RORA: variants seen among roughly 807,000 people sequenced by gnomAD.
RORA encodes the protein nuclear receptor ROR-alpha.
A neutral mutation model predicts 69.5 loss-of-function variants in RORA; 7 were observed. The ratio of observed to expected loss-of-function variants is 0.10; its 90% CI spans 0.06 to 0.19. RORA has a LOEUF of 0.19. RORA is among the 10% of genes least tolerant of loss of function. The probability of loss-of-function intolerance (pLI) is 1.00; values close to 1 mark genes in which losing one functional copy is unlikely to be tolerated. For synonymous variants in RORA, 261 were observed against 240.8 expected (o/e 1.08, Z -0.78); for missense variants, 457 against 663.0 (o/e 0.69, Z 3.41).
chr15:60,624,384 A>G (rs981012756), intron 2 of RORA, among the ~76,000 whole-genome samples: 2 of 149,306 alleles, frequency 1.3e-5, no homozygotes, highest in African/African-American at 4.9e-5. Context: ...ACCTTAGCAT[A>G]TCTTCCTTTG....
chr15:60,804,367 A>T (rs2072630140), intron 1 of RORA, among the ~76,000 whole-genome samples: 1 of 151,840 alleles, frequency 6.6e-6, no homozygotes. Context: ...TAGTTCTTTA[A>T]TAAAATAAAT....
At chr15:61,123,637 G>A (rs1008966730) in intron 1 of RORA, among the ~76,000 whole-genome samples, 1 of 152,220 alleles carries the variant, frequency 6.6e-6, no homozygotes, top group African/African-American at 2.4e-5. Context: ...GCCCTTTGGA[G>A]ATTCTAATAT....
At chr15:61,185,059 C>T (rs1246773082) in intron 1 of RORA, among the ~76,000 whole-genome samples, 1 of 151,478 alleles carries the variant, frequency 6.6e-6, no homozygotes, top group Non-Finnish European at 1.5e-5. Context: ...CTCCTACCAC[C>T]CAAGAACTTA....
chr15:61,046,123 G>A (rs1897008216), intron 1 of RORA, among the ~76,000 whole-genome samples: 1 of 152,234 alleles, frequency 6.6e-6, no homozygotes, highest in Non-Finnish European at 1.5e-5. Context: ...TTAGGTCTCA[G>A]AAGTTCCACC....
At position 60,533,093 on chromosome 15, in the gene RORA, C is replaced by T. The variant is rs896638394; in HGVS notation, c.197-1242G>A. On this transcript the variant is annotated intron_variant, in intron 2 of 10. Coordinates refer to ENST00000335670, the MANE Select transcript of RORA (RefSeq NM_134261.3). ...TTTGGATTTAAGGTGATGTTGCATT[C>T]GATACTTAGAGCACACATGAAACTA... Among the ~76,000 whole-genome samples the T allele has an allele frequency of 5.3e-5, 8 of 152,290 alleles. No homozygotes were observed. In the East Asian group the frequency reaches 7.7e-4, roughly 15 times the overall value.
At chr15:61,145,456 T>C (rs1375647339) in intron 1 of RORA, among the ~76,000 whole-genome samples, 2 of 152,204 alleles carry the variant, frequency 1.3e-5, no homozygotes, top group Non-Finnish European at 1.5e-5. Context: ...CTTCCTTCGA[T>C]AACATGCTCC....
chr15:60,612,401 G>A (rs2069111990), intron 2 of RORA, among the ~76,000 whole-genome samples: 1 of 152,120 alleles, frequency 6.6e-6, no homozygotes, highest in Non-Finnish European at 1.5e-5. Context: ...GTTCCTCCAA[G>A]CCTCAACTAA....
At chr15:60,608,395 C>T (rs1260557592) in intron 2 of RORA, among the ~76,000 whole-genome samples, 2 of 152,068 alleles carry the variant, frequency 1.3e-5, no homozygotes, top group African/African-American at 4.8e-5. Flanking sequence ...CACTTAAAAA[C>T]GACCAAAAAT....
At chr15:60,781,052 G>T (rs912971462) in intron 1 of RORA, among the ~76,000 whole-genome samples, 1 of 152,288 alleles carries the variant, frequency 6.6e-6, no homozygotes, top group Non-Finnish European at 1.5e-5. Flanking sequence ...CTTCTTGAAG[G>T]TAACAAAACC....
intron 1 of RORA, among the ~76,000 whole-genome samples, chr15:60,896,732 CTT>C (rs66780614): frequency 1.0e-3 from 121 of 117,114 alleles, no homozygotes; most frequent in African/African-American, 2.7e-3. Flanking sequence ...GAGAATTTAG[CTT>C]TTTTTTTTTT....
intron 1 of RORA, among the ~76,000 whole-genome samples, chr15:60,733,877 C>T (rs1414229947): frequency 3.6e-5 from 5 of 139,572 alleles, no homozygotes; most frequent in African/African-American, 1.1e-4. Context: ...TATGTGTATC[C>T]AACTATCTGC....
chr15:60,740,084 T>C (rs2071555044), intron 1 of RORA, among the ~76,000 whole-genome samples: 1 of 152,170 alleles, frequency 6.6e-6, no homozygotes, highest in African/African-American at 2.4e-5. Flanking sequence ...CGGGGGAAAC[T>C]GGAAAGGGGA....
chr15:60,512,844 A>C (rs2065746054), intron 4 of RORA, among the ~76,000 whole-genome samples: 1 of 152,238 alleles, frequency 6.6e-6, no homozygotes, highest in South Asian at 2.1e-4. Flanking sequence ...AAGATAACTG[A>C]AAACAAAAAC....
intron 1 of RORA, among the ~76,000 whole-genome samples, chr15:60,760,697 C>G (rs2071872597): frequency 1.3e-5 from 2 of 152,148 alleles, no homozygotes; most frequent in Admixed American, 1.3e-4. Flanking sequence ...GGTTCCATTC[C>G]TGGTTATCAG....
intron 1 of RORA, among the ~76,000 whole-genome samples, chr15:61,119,770 A>C (rs1361794645): frequency 1.3e-5 from 2 of 152,138 alleles, no homozygotes; most frequent in Non-Finnish European, 2.9e-5. Flanking sequence ...ACCAGAGTTG[A>C]CTCATTTATT....
At position 61,042,871 on chromosome 15, in the gene RORA, A is replaced by G. The variant is rs566700916; in HGVS notation, c.166+186182T>C. On this transcript the variant is annotated intron_variant, in intron 1 of 10. Transcript: ENST00000335670. ...TCTTACGGAAATAGAAACAGTAGCA[A>G]AGACACCCAGACTCTCCCCTTCTAA... Among the ~76,000 whole-genome samples the G allele has an allele frequency of 3.3e-5, 5 of 152,330 alleles. No individual in the cohort carries two copies. The East Asian group carries it at 9.6e-4, about 29-fold the overall frequency.
intron 1 of RORA, among the ~76,000 whole-genome samples, chr15:60,680,932 C>T (rs1218395142): frequency 2.6e-5 from 4 of 152,130 alleles, no homozygotes; most frequent in Non-Finnish European, 1.5e-5. Flanking sequence ...TGCATTACAA[C>T]TGCTTAATTA....
In RORA at chr15:60,812,231, C is replaced by T. The variant is rs564596051; in HGVS notation, c.167-133545G>A. 4.3e-4 allele frequency among the ~76,000 whole-genome samples: 66 copies of T among 152,234 alleles called. 1 individual carries two copies. In the South Asian group the frequency reaches 6.2e-3, roughly 14 times the overall value. ...GTGAAAATTAAATGAAAGCAAGGTG[C>T]GGTGCCTCACACCTGTAATCCCATT... is the stretch of plus-strand genomic sequence containing the variant. On this transcript the variant is annotated intron_variant, in intron 1 of 10. Coordinates refer to ENST00000335670, the MANE Select transcript of RORA (RefSeq NM_134261.3).
At chr15:60,502,994 G>A (rs1005778254) in intron 7 of RORA, 127 bp from the exon 8 acceptor site, 1 of 757,026 alleles carries the variant, frequency 1.3e-6, no homozygotes, top group Non-Finnish European at 2.4e-6. Flanking sequence ...TTTAGCTAGC[G>A]GGTTCTCAGT....
Sources: gnomAD v4.1 joint callset for allele counts (sites outside exome capture counted in the v4.1 genomes callset) on GRCh38, gnomAD v4.1.1 for gene constraint, MANE v1.5 for transcripts, NCBI Gene and HGNC (gene_info 2026-07-23, HGNC 2026-07-21) for gene names.